The following RHBDD1 variants were observed in gnomAD, a reference collection of about 807,000 sequenced individuals.
RHBDD1 encodes rhomboid domain containing 1.
Under a neutral mutation model 36.3 loss-of-function variants are expected in RHBDD1, and 38 were observed. The ratio of observed to expected loss-of-function variants is 1.05; its 90% CI spans 0.81 to 1.37. The LOEUF (loss-of-function observed/expected upper bound fraction) is 1.37. Among genes scored for constraint, RHBDD1 ranks in the 40% most tolerant of loss-of-function variants. The pLI is 0.00. For synonymous variants in RHBDD1, 151 were observed against 136.5 expected (o/e 1.11, Z -0.74); for missense variants, 393 against 377.6 (o/e 1.04, Z -0.34).
intron 8 of RHBDD1, among the ~76,000 whole-genome samples, chr2:226,970,617 A>G (rs1953282823): frequency 6.6e-6 from 1 of 152,236 alleles, no homozygotes; most frequent in African/African-American, 2.4e-5. Context: ...AAACATAGCG[A>G]GAGGCACTCA....
In RHBDD1 at chr2:226,914,289, CAGCAGGACTG is replaced by C. The variant is rs756649060; in HGVS notation, c.797_806del (p.Ala266ValfsTer36). The C allele has an allele frequency of 5.6e-6, 9 of 1,613,722 alleles. No individual in the cohort carries two copies. In the South Asian group the frequency reaches 6.6e-5, roughly 12 times the overall value. ...GCACCCAGGAACTATGACACGTACA[CAGCAGGACTG>C]AGTGAAGAAGAACAGCTCGAGAGAG... On this transcript the variant is annotated frameshift_variant, in exon 8 of 9. Coordinates refer to ENST00000392062, the MANE Select transcript of RHBDD1 (RefSeq NM_001167608.3). LOFTEE classifies it high-confidence loss of function.
At chr2:226,837,175 T>A (rs1941071389) in intron 1 of RHBDD1, among the ~76,000 whole-genome samples, 1 of 152,194 alleles carries the variant, frequency 6.6e-6, no homozygotes. Flanking sequence ...AACTTGGACA[T>A]GTTACCTCAC....
At chr2:226,837,227 AAC>A (rs1159361405) in intron 1 of RHBDD1, among the ~76,000 whole-genome samples, 2 of 152,246 alleles carry the variant, frequency 1.3e-5, no homozygotes, top group Non-Finnish European at 2.9e-5. Flanking sequence ...TTTAACACAA[AAC>A]ACATAGAAAA....
rs1016463487 is a variant in RHBDD1, at chr2:226,886,852, A to T, written c.566+19534A>T. 8.5e-5 allele frequency among the ~76,000 whole-genome samples: 13 copies of T among 152,322 alleles called. No individual in the cohort carries two copies. The East Asian group carries it at 2.3e-3, about 27-fold the overall frequency. ...ATATACCAAAAAATTTTAAAGAGTA[A>T]GTAAGCTTAGTCTTTAATTTAAAGA... On this transcript the variant is annotated intron_variant, in intron 5 of 8. Coordinates refer to ENST00000392062, the MANE Select transcript of RHBDD1 (RefSeq NM_001167608.3).
At chr2:226,851,132 T>C (rs963778312) in intron 3 of RHBDD1, among the ~76,000 whole-genome samples, 1 of 152,078 alleles carries the variant, frequency 6.6e-6, no homozygotes, top group African/African-American at 2.4e-5. Context: ...TTGGGTCCCA[T>C]TGATGACCTT....
chr2:226,933,499 A>C (rs777790097), intron 8 of RHBDD1, among the ~76,000 whole-genome samples: 1 of 152,142 alleles, frequency 6.6e-6, no homozygotes, highest in Non-Finnish European at 1.5e-5. Flanking sequence ...GCTGGCTTAC[A>C]GTCAGCCTTT....
chr2:226,944,303 C>T (rs1169078914), intron 8 of RHBDD1, among the ~76,000 whole-genome samples: 1 of 152,192 alleles, frequency 6.6e-6, no homozygotes, highest in East Asian at 1.9e-4. Flanking sequence ...ATAAAAACAT[C>T]TGCTGTTTTG....
At chr2:226,893,855 A>G (rs1002764228) in intron 5 of RHBDD1, among the ~76,000 whole-genome samples, 2 of 152,186 alleles carry the variant, frequency 1.3e-5, no homozygotes, top group Non-Finnish European at 2.9e-5. Flanking sequence ...TACACACAGC[A>G]CTACTGACCC....
Position 226,857,611 on chromosome 2 carries a change from T to G in RHBDD1, c.-90-6993T>G, listed in dbSNP as rs192281333. Among the ~76,000 whole-genome samples the G allele has an allele frequency of 2.1e-3, 313 of 152,254 alleles. 3 individuals are homozygous for G. The highest frequency in any genetic ancestry group is 7.2e-3 in the African/African-American group (300 of 41,540). On this transcript the variant is annotated intron_variant, in intron 3 of 8. Transcript: ENST00000392062. The stretch of plus-strand genomic sequence containing the variant: ...TATTTGACCATAAAAAGAAACAAAG[T>G]ATCGATAATTGCTACAACATGGATG...
intron 4 of RHBDD1, among the ~76,000 whole-genome samples, 196 bp downstream of exon 4, chr2:226,865,322 T>C (rs763081783): frequency 3.9e-5 from 6 of 152,232 alleles, no homozygotes; most frequent in Non-Finnish European, 5.9e-5. Context: ...TATTCACTCT[T>C]AGTCTGCACT....
chr2:226,889,676 G>C (rs1344750085), intron 5 of RHBDD1, among the ~76,000 whole-genome samples: 1 of 152,100 alleles, frequency 6.6e-6, no homozygotes, highest in African/African-American at 2.4e-5. Flanking sequence ...TCAGACTTTT[G>C]CTTGTTCTCA....
chr2:226,813,893 G>A, the RHBDD1 span, among the ~76,000 whole-genome samples: 3 of 152,136 alleles, frequency 2.0e-5, no homozygotes, highest in East Asian at 1.9e-4. Flanking sequence ...TTACAAAATC[G>A]TTACAGAAAT....
intron 7 of RHBDD1, among the ~76,000 whole-genome samples, chr2:226,909,204 G>A (rs1948326552): frequency 6.6e-6 from 1 of 152,198 alleles, no homozygotes; most frequent in African/African-American, 2.4e-5. Flanking sequence ...CTGGGAAAGT[G>A]TTAAAAGTTG....
At chr2:226,975,068 C>T (rs1458793673) in intron 8 of RHBDD1, among the ~76,000 whole-genome samples, 1 of 152,148 alleles carries the variant, frequency 6.6e-6, no homozygotes, top group East Asian at 1.9e-4. Context: ...GTTTTTAAAA[C>T]CACCAGCTCC....
At chr2:226,924,244 T>C (rs960364988) in intron 8 of RHBDD1, among the ~76,000 whole-genome samples, 14 of 152,076 alleles carry the variant, frequency 9.2e-5, no homozygotes, top group African/African-American at 3.1e-4. Context: ...CCTGCTAGGA[T>C]TGAGTCTTTC....
chr2:226,808,674 A>G, the RHBDD1 span: 2 of 152,238 alleles, frequency 1.3e-5, no homozygotes, highest in African/African-American at 4.8e-5. Context: ...GAGAGTTAAC[A>G]TGCCAAGAGG....
intron 8 of RHBDD1, among the ~76,000 whole-genome samples, chr2:226,972,422 A>G (rs1953714777): frequency 6.6e-6 from 1 of 152,220 alleles, no homozygotes; most frequent in Non-Finnish European, 1.5e-5. Flanking sequence ...GAGCAGAGCC[A>G]TCCTCCTCTT....
At chr2:226,888,092 A>G (rs1258716991) in intron 5 of RHBDD1, among the ~76,000 whole-genome samples, 1 of 152,214 alleles carries the variant, frequency 6.6e-6, no homozygotes, top group Non-Finnish European at 1.5e-5. Context: ...CATGTTAGAC[A>G]TGGAAGATAG....
intron 8 of RHBDD1, among the ~76,000 whole-genome samples, chr2:226,992,934 G>A (rs1265924013): frequency 2.6e-5 from 4 of 152,190 alleles, no homozygotes; most frequent in Admixed American, 6.5e-5. Context: ...TATTGGGAGT[G>A]AAAGCTAAGT....
Sources: allele counts gnomAD v4.1 joint callset (sites outside exome capture counted in the v4.1 genomes callset), GRCh38; gene constraint gnomAD v4.1.1; transcripts MANE v1.5; gene names NCBI Gene and HGNC (gene_info 2026-07-23, HGNC 2026-07-21).